The following OR3A2 variants were observed in gnomAD, a reference collection of about 807,000 sequenced individuals.
OR3A2 encodes the protein olfactory receptor family 3 subfamily A member 2.
For missense variants in OR3A2, 318 were observed against 392.8 expected (o/e 0.81, Z 1.61); for synonymous variants, 126 against 159.3 (o/e 0.79, Z 1.57).
chr17:3,376,909 A>G (rs950487184), intron 2 of OR3A2, among the ~76,000 whole-genome samples: 3 of 151,944 alleles, frequency 2.0e-5, no homozygotes, highest in Non-Finnish European at 4.4e-5. Context: ...GGCTCTTTCT[A>G]TTGCTTCTTC....
At chr17:3,342,643 C>A (rs142843539) in intron 2 of OR3A2, among the ~76,000 whole-genome samples, 1 of 152,188 alleles carries the variant, frequency 6.6e-6, no homozygotes, top group Non-Finnish European at 1.5e-5. Flanking sequence ...CCCGATCCTT[C>A]CTCTGGAAGC....
chr17:3,326,410 C>T (rs181801665), intron 3 of OR3A2, among the ~76,000 whole-genome samples: 12 of 152,042 alleles, frequency 7.9e-5, no homozygotes, highest in Admixed American at 5.2e-4. Flanking sequence ...AAGATTGTTG[C>T]GGGAAGTCAG....
rs559626182 is a variant in OR3A2 at position 3,345,471 on chromosome 17, C to T, written c.-178-9345G>A. ...CAGAGAGAGAGACCAAAATAAGAAA[C>T]GAAACAACACAGAGGGCAGAAGAAC... On this transcript the variant is annotated intron_variant, in intron 2 of 4. Coordinates refer to the OR3A2 transcript ENST00000573491. Among the ~76,000 whole-genome samples, 63 of 150,926 alleles carry T rather than the reference C, an allele frequency of 4.2e-4. No homozygotes were observed. The South Asian group carries it at 0.011, about 27-fold the overall frequency.
intron 3 of OR3A2, among the ~76,000 whole-genome samples, chr17:3,324,541 C>T (rs536488606): frequency 4.9e-4 from 75 of 152,084 alleles, no homozygotes; most frequent in African/African-American, 1.1e-3. Flanking sequence ...GTTTTTGGTG[C>T]GGATGTCCTT....
chr17:3,323,313 T>C (rs2049141269), intron 3 of OR3A2, among the ~76,000 whole-genome samples: 1 of 152,094 alleles, frequency 6.6e-6, no homozygotes, highest in Non-Finnish European at 1.5e-5. Context: ...CTTTATCCAA[T>C]TTGCCAGTCT....
At chr17:3,341,050 G>C (rs1333200945) in intron 2 of OR3A2, among the ~76,000 whole-genome samples, 1 of 151,922 alleles carries the variant, frequency 6.6e-6, no homozygotes, top group Non-Finnish European at 1.5e-5. Context: ...GATCTTTGTT[G>C]GTTTAAAGTC....
chr17:3,333,168 T>C (rs2049253314), intron 3 of OR3A2, among the ~76,000 whole-genome samples: 1 of 152,202 alleles, frequency 6.6e-6, no homozygotes, highest in Non-Finnish European at 1.5e-5. Context: ...GGTCTATAAA[T>C]TGCCGCTCTG....
At chr17:3,352,364 T>C (rs2049428134) in intron 2 of OR3A2, among the ~76,000 whole-genome samples, 1 of 151,870 alleles carries the variant, frequency 6.6e-6, no homozygotes, top group South Asian at 2.1e-4. Flanking sequence ...CAATGTTTTG[T>C]TTTAGTAGTT....
intron 2 of OR3A2, among the ~76,000 whole-genome samples, chr17:3,350,005 C>T (rs230461): frequency 1.4e-5 from 2 of 147,092 alleles, no homozygotes; most frequent in African/African-American, 5.1e-5. Context: ...ACACAACATA[C>T]CAGAATCTCT....
At chr17:3,284,219 C>T (rs919252112) in intron 1 of OR3A2, 139 bp downstream of exon 3, 2 of 150,212 alleles carry the variant, frequency 1.3e-5, no homozygotes, top group African/African-American at 4.9e-5. Flanking sequence ...CCAGGACCTC[C>T]GGGCTGTAGT....
intron 2 of OR3A2, among the ~76,000 whole-genome samples, chr17:3,342,051 C>G (rs540018946): frequency 6.6e-6 from 1 of 152,318 alleles, no homozygotes; most frequent in East Asian, 1.9e-4. Flanking sequence ...TCCACTTGAT[C>G]AAATCGGCTA....
chr17:3,375,658 G>A (rs1327304275), intron 2 of OR3A2, among the ~76,000 whole-genome samples: 2 of 151,996 alleles, frequency 1.3e-5, no homozygotes, highest in Non-Finnish European at 2.9e-5. Context: ...ATCTTTTGGG[G>A]GTGTTATAGA....
chr17:3,337,585 C>G (rs1324900205), intron 2 of OR3A2, among the ~76,000 whole-genome samples: 2 of 152,124 alleles, frequency 1.3e-5, no homozygotes, highest in African/African-American at 4.8e-5. Context: ...TCATCCATGT[C>G]CTTACAAAGG....
At position 3,297,678 on chromosome 17, in the gene OR3A2, C is replaced by G. The variant is rs1259601617; in HGVS notation, c.-84-18525G>C. 3.3e-5 allele frequency among the ~76,000 whole-genome samples: 5 copies of G among 151,974 alleles called. 1 individual carries two copies. Among genetic ancestry groups the G allele is most frequent in the African/African-American group, 1.2e-4 (5 of 41,250 alleles). ...GCCAACAGATTTCTGCCAAATTCAG[C>G]TTTGCATTCTTAATGCCTTGTGTCA... On this transcript the variant is annotated intron_variant, in intron 3 of 4. Transcript: ENST00000573491.
chr17:3,383,943 A>G (rs1228167527), intron 1 of OR3A2: 20 of 89,438 alleles, frequency 2.2e-4, no homozygotes, highest in Non-Finnish European at 3.7e-4. Flanking sequence ...GTATACAAAT[A>G]TTTATTGAAT....
At chr17:3,351,611 G>A (rs1398929165) in intron 2 of OR3A2, among the ~76,000 whole-genome samples, 29 of 135,628 alleles carry the variant, frequency 2.1e-4, no homozygotes, top group African/African-American at 7.5e-4. Context: ...TACTGCCCAA[G>A]GTAATTTATA....
intron 2 of OR3A2, among the ~76,000 whole-genome samples, chr17:3,368,516 C>T (rs994140576): frequency 6.6e-5 from 10 of 152,040 alleles, no homozygotes; most frequent in Non-Finnish European, 1.3e-4. Flanking sequence ...TTTAGCTTTT[C>T]GTTGCTTTGT....
intron 2 of OR3A2, among the ~76,000 whole-genome samples, chr17:3,360,517 C>T (rs1025172749): frequency 2.1e-4 from 32 of 151,694 alleles, no homozygotes; most frequent in Admixed American, 6.6e-5. Context: ...AATGGTATTG[C>T]ATAGGTTTTC....
At chr17:3,375,026 C>A (rs1430878020) in intron 2 of OR3A2, among the ~76,000 whole-genome samples, 1 of 151,364 alleles carries the variant, frequency 6.6e-6, no homozygotes, top group African/African-American at 2.4e-5. Flanking sequence ...TCATTCATAT[C>A]CTGTATTTTT....
Sources: allele counts gnomAD v4.1 joint callset (sites outside exome capture counted in the v4.1 genomes callset), GRCh38; gene constraint gnomAD v4.1.1; transcripts MANE v1.5; gene names NCBI Gene and HGNC (gene_info 2026-07-23, HGNC 2026-07-21).